FRAS1: variants seen among roughly 807,000 people sequenced by gnomAD.
FRAS1 encodes extracellular matrix organizing protein FRAS1.
FRAS1 carries 290 observed loss-of-function variants against 435.2 expected under a neutral mutation model. That is an observed-to-expected ratio of 0.67 (90% CI 0.61 to 0.73). The LOEUF (loss-of-function observed/expected upper bound fraction) is 0.73. FRAS1 is among the 30% of genes least tolerant of loss of function. The pLI is 0.00. For missense variants in FRAS1, 4,860 were observed against 5,001.5 expected, an observed-to-expected ratio of 0.97 and a Z score of 0.85; for synonymous variants, 1,800 against 1,851.0, an observed-to-expected ratio of 0.97 and a Z score of 0.71.
At chr4:78,401,332 G>C (rs1732884664) in intron 30 of FRAS1, among the ~76,000 whole-genome samples, 1 of 152,088 alleles carries the variant, frequency 6.6e-6, no homozygotes, top group African/African-American at 2.4e-5. Context: ...TCTACTTCCA[G>C]CAAGGTAGTC....
At chr4:78,218,771 A>T (rs1457040313) in intron 2 of FRAS1, among the ~76,000 whole-genome samples, 3 of 152,222 alleles carry the variant, frequency 2.0e-5, no homozygotes, top group African/African-American at 7.2e-5. Flanking sequence ...AGAGGACAAG[A>T]AACCAATTTG....
intron 15 of FRAS1, among the ~76,000 whole-genome samples, chr4:78,309,878 C>T (rs934047568): frequency 1.3e-5 from 2 of 152,000 alleles, no homozygotes; most frequent in African/African-American, 4.8e-5. Context: ...GCTAAGTCCA[C>T]CAAATCAATA....
At chr4:78,526,779 G>T (rs1721546814) in intron 70 of FRAS1, 122 bp downstream of exon 70, 6 of 629,724 alleles carry the variant, frequency 9.5e-6, no homozygotes, top group African/African-American at 1.9e-5. Flanking sequence ...TCACTGACAT[G>T]CACAGCAGAG....
chr4:78,125,704 G>A (rs912730133), intron 2 of FRAS1, among the ~76,000 whole-genome samples: 11 of 152,282 alleles, frequency 7.2e-5, no homozygotes, highest in Admixed American at 6.5e-4. Context: ...TATCACCAGT[G>A]GAAGCTGCAG....
intron 2 of FRAS1, among the ~76,000 whole-genome samples, chr4:78,076,866 C>T (rs1740662829): frequency 6.6e-6 from 1 of 152,118 alleles, no homozygotes; most frequent in Non-Finnish European, 1.5e-5. Context: ...AATAAGTATC[C>T]TTTTATATTT....
At chr4:78,379,049 TG>T (rs778475270) in intron 26 of FRAS1, 1 of 152,176 alleles carries the variant, frequency 6.6e-6, no homozygotes, top group Non-Finnish European at 1.5e-5. Context: ...TGGTAACCAC[TG>T]GGAGGCTTAT....
intron 2 of FRAS1, among the ~76,000 whole-genome samples, chr4:78,231,453 T>A (rs896020456): frequency 9.9e-5 from 15 of 152,098 alleles, no homozygotes; most frequent in Admixed American, 4.6e-4. Flanking sequence ...TGCACATAGA[T>A]ATATTTTTAT....
chr4:78,241,841 G>A lies in FRAS1; in HGVS notation c.217-3392G>A, dbSNP rs112578498. ...AGGTGGTTGAGAGTGTACAAAGATA[G>A]AATATCATTTTAATGGGCATTGAAG... On this transcript the variant is annotated intron_variant, in intron 3 of 73. Transcript: ENST00000512123. 2.5e-3 allele frequency among the ~76,000 whole-genome samples: 386 copies of A among 152,168 alleles called. 1 individual carries two copies. Among genetic ancestry groups the A allele is most frequent in the African/African-American group, 8.9e-3 (368 of 41,512 alleles).
chr4:78,280,622 C>T (rs1560624165), intron 10 of FRAS1, among the ~76,000 whole-genome samples: 1 of 148,810 alleles, frequency 6.7e-6, no homozygotes. Context: ...CATCTGTCAA[C>T]CTTCCAGTGT....
intron 61 of FRAS1, among the ~76,000 whole-genome samples, chr4:78,504,412 G>A (rs554877307): frequency 1.3e-5 from 2 of 152,304 alleles, no homozygotes; most frequent in South Asian, 2.1e-4. Flanking sequence ...CCTGTATTGG[G>A]TGTATATACA....
intron 27 of FRAS1, among the ~76,000 whole-genome samples, chr4:78,380,548 A>T (rs12509739): frequency 0.32 from 48,029 of 152,090 alleles, 7,760 homozygotes; most frequent in Non-Finnish European, 0.36. Flanking sequence ...CAGCTGACAT[A>T]TGCTTCAGGA....
chr4:78,095,090 T>A (rs903764064), intron 2 of FRAS1, among the ~76,000 whole-genome samples: 1 of 152,170 alleles, frequency 6.6e-6, no homozygotes, highest in Non-Finnish European at 1.5e-5. Flanking sequence ...ATAAAAGCAA[T>A]GTAATATCAG....
At chr4:78,454,726 GC>G (rs1259592880) in intron 47 of FRAS1, among the ~76,000 whole-genome samples, 1 of 152,160 alleles carries the variant, frequency 6.6e-6, no homozygotes, top group African/African-American at 2.4e-5. Context: ...CACTGCCATT[GC>G]CTCCCTGCTG....
chr4:78,086,902 A>G (rs901203796), intron 2 of FRAS1, among the ~76,000 whole-genome samples: 5 of 150,838 alleles, frequency 3.3e-5, no homozygotes, highest in African/African-American at 1.2e-4. Flanking sequence ...AAAAAGAGGG[A>G]ATCCTCCCTA....
chr4:78,379,415 G>A (rs576532917), intron 26 of FRAS1: 46 of 301,456 alleles, frequency 1.5e-4, no homozygotes, highest in South Asian at 1.5e-3. Flanking sequence ...TATATGGAAC[G>A]TGTGTCAAAG....
intron 70 of FRAS1, among the ~76,000 whole-genome samples, chr4:78,533,801 G>A (rs1402791898): frequency 6.6e-6 from 1 of 152,168 alleles, no homozygotes; most frequent in East Asian, 1.9e-4. Flanking sequence ...GAGCTTAGAG[G>A]AGAAATCTGG....
At chr4:78,489,970 A>AAAAC (rs1473742335) in intron 59 of FRAS1, among the ~76,000 whole-genome samples, 1 of 136,456 alleles carries the variant, frequency 7.3e-6, no homozygotes, top group East Asian at 1.9e-4. Context: ...GTGGAAAACA[A>AAAAC]AAAAAAAAAA....
chr4:78,409,475 G>C (rs1015944647), intron 31 of FRAS1, among the ~76,000 whole-genome samples: 1 of 152,054 alleles, frequency 6.6e-6, no homozygotes, highest in Non-Finnish European at 1.5e-5. Flanking sequence ...CCAGAGAACC[G>C]CAAGGGAAAC....
chr4:78,475,939 A>C (rs80042233), intron 54 of FRAS1, among the ~76,000 whole-genome samples: 1,542 of 152,196 alleles, frequency 0.01, 30 homozygotes, highest in African/African-American at 0.036. Flanking sequence ...TCTTTACCTA[A>C]AGGGAGAGAA....
Sources: allele counts gnomAD v4.1 joint callset (sites outside exome capture counted in the v4.1 genomes callset), GRCh38; gene constraint gnomAD v4.1.1; transcripts MANE v1.5; gene names NCBI Gene and HGNC (gene_info 2026-07-23, HGNC 2026-07-21).